Variants in PCDHGC5 observed in about 807,000 individuals in gnomAD.
PCDHGC5 encodes protocadherin gamma-C5.
PCDHGC5 carries 25 observed loss-of-function variants against 59.0 expected under a neutral mutation model. That is an observed-to-expected ratio of 0.42 (90% CI 0.31 to 0.59). The LOEUF is 0.59. Ranked by LOEUF, PCDHGC5 falls within the 20% of genes least tolerant of loss-of-function variation. The pLI is 0.13. For missense variants in PCDHGC5, 1,067 were observed against 1,206.4 expected, an observed-to-expected ratio of 0.88 and a Z score of 1.71; for synonymous variants, 434 against 505.5, an observed-to-expected ratio of 0.86 and a Z score of 1.90.
intron 2 of PCDHGC5, among the ~76,000 whole-genome samples, chr5:141,500,136 A>G (rs966215589): frequency 6.6e-6 from 1 of 151,606 alleles, no homozygotes; most frequent in African/African-American, 2.4e-5. Flanking sequence ...ATATCTTTCT[A>G]AACTTTTCTT....
intron 2 of PCDHGC5, among the ~76,000 whole-genome samples, chr5:141,495,725 C>G (rs1339925752): frequency 1.3e-5 from 2 of 151,986 alleles, no homozygotes; most frequent in African/African-American, 4.8e-5. Flanking sequence ...TACACGGGAC[C>G]CTTAGTCTCT....
chr5:141,492,007 C>A, intron 1 of PCDHGC5: 1 of 629,072 alleles, frequency 1.6e-6, no homozygotes, highest in Non-Finnish European at 2.6e-6. Flanking sequence ...GCGATTTCCG[C>A]GGGTGTCGGG....
chr5:141,491,747 G>C lies in PCDHGC5; in HGVS notation c.2460+47G>C. 6.3e-7 allele frequency: 1 copy of C among 1,591,872 alleles called. No homozygotes were observed. The highest frequency in any genetic ancestry group is 8.5e-7 in the Non-Finnish European group (1 of 1,170,328). ...CGGGCGACCCCTGGGGGCGGCACTG[G>C]AGAAGCCGCCCGTCCTCATAAGGGA... On this transcript the variant is annotated intron_variant, in intron 1 of 3. Transcript: ENST00000252087. This position sits in a 1 kb window ranked among gnomAD's most constrained non-coding sequence, Gnocchi z 6.9.
intron 2 of PCDHGC5, among the ~76,000 whole-genome samples, chr5:141,504,036 G>T (rs1472706342): frequency 6.6e-6 from 1 of 152,080 alleles, no homozygotes; most frequent in African/African-American, 2.4e-5. Flanking sequence ...ACTCATTTAG[G>T]CAACAAATAT....
intron 1 of PCDHGC5, among the ~76,000 whole-genome samples, chr5:141,492,745 C>G (rs2099743569): frequency 6.6e-6 from 1 of 152,262 alleles, no homozygotes; most frequent in Non-Finnish European, 1.5e-5. Flanking sequence ...GTGGCCGAGG[C>G]GCGGCAGGGC....
intron 1 of PCDHGC5, among the ~76,000 whole-genome samples, chr5:141,494,030 A>G (rs1165393646): frequency 6.6e-6 from 1 of 151,978 alleles, no homozygotes; most frequent in Non-Finnish European, 1.5e-5. Context: ...AGCCCTGGAG[A>G]CTTAGTTGGC....
intron 3 of PCDHGC5, among the ~76,000 whole-genome samples, chr5:141,506,567 T>G (rs2099855029): frequency 6.6e-6 from 1 of 152,182 alleles, no homozygotes; most frequent in Non-Finnish European, 1.5e-5. Flanking sequence ...CCCCCTCGGT[T>G]TCACTTACTA....
chr5:141,491,227 C>T lies in PCDHGC5; in HGVS notation c.1987C>T (p.Leu663=). 6.2e-7 allele frequency: 1 copy of T among 1,614,216 alleles called. No homozygotes were observed. The highest frequency in any genetic ancestry group is 8.5e-7 in the Non-Finnish European group (1 of 1,180,018). Residue 663 remains leucine, a synonymous_variant, in exon 1 of 4, where the codon CTG becomes TTG. Coordinates refer to ENST00000252087, the MANE Select transcript of PCDHGC5 (RefSeq NM_018929.3). The surrounding 1 kb of genome is among the most constrained non-coding windows in gnomAD (Gnocchi z 6.9). ...DPSLSSTATV[L]LVLEDEDPEE... is the part of the protein sequence containing the mutation. Reference sequence around the variant, plus strand: ...TTCACTCTCCTCCACAGCCACAGTGCTGCTGGTTCTGGAGGATGAGGACCC... The same window carrying T: ...TTCACTCTCCTCCACAGCCACAGTGTTGCTGGTTCTGGAGGATGAGGACCC...
chr5:141,489,641 C>T lies in PCDHGC5; in HGVS notation c.401C>T (p.Ala134Val), dbSNP rs1356716387. Residue 134 changes from alanine (A) to valine (V), a missense_variant, in exon 1 of 4, where the codon GCC becomes GTC. By Grantham distance (64) the Ala-to-Val change is moderately conservative. Coordinates refer to ENST00000252087, the MANE Select transcript of PCDHGC5 (RefSeq NM_018929.3). This position sits in a 1 kb window ranked among gnomAD's most constrained non-coding sequence, Gnocchi z 4.5. The stretch of plus-strand genomic sequence containing the variant: ...CTCAATGACAACTCTCCTAGCTTTG[C>T]CACCCCTGAGCGAGAGATGCGCATC... ...LDLNDNSPSF[A>V]TPEREMRISE... The T allele has an allele frequency of 2.5e-6, 4 of 1,614,008 alleles. No individual in the cohort carries two copies. The highest frequency in any genetic ancestry group is 3.4e-6 in the Non-Finnish European group (4 of 1,180,012).
At chr5:141,501,569 G>A (rs1401631416) in intron 2 of PCDHGC5, among the ~76,000 whole-genome samples, 3 of 151,998 alleles carry the variant, frequency 2.0e-5, no homozygotes, top group African/African-American at 7.2e-5. Flanking sequence ...AATCATATTA[G>A]GCTGGCTTTC....
chr5:141,505,298 T>C, intron 2 of PCDHGC5, 95 bp from the exon 3 acceptor site: 1 of 1,586,334 alleles, frequency 6.3e-7, no homozygotes, highest in Non-Finnish European at 8.6e-7. Flanking sequence ...GGGGTAGGGT[T>C]AGGGTACTAG....
At position 141,494,925 on chromosome 5, in the gene PCDHGC5, G is replaced by A. The variant is rs936071950; in HGVS notation, c.2519+60G>A. On this transcript the variant is annotated intron_variant, in intron 2 of 3. Coordinates refer to ENST00000252087, the MANE Select transcript of PCDHGC5 (RefSeq NM_018929.3). ...TGCGGCATTTTCTCAGGGATGACGT[G>A]GGAGGAGATGGGGGAGGGCCCAGCA... is the stretch of plus-strand genomic sequence containing the variant. The A allele has an allele frequency of 3.3e-4, 525 of 1,613,316 alleles. 2 individuals carry two copies. Among genetic ancestry groups the A allele is most frequent in the Admixed American group, 4.7e-4 (28 of 59,956 alleles).
At position 141,511,199 on chromosome 5, in the gene PCDHGC5, G is replaced by C. The variant is rs1303066281; in HGVS notation, c.*26G>C. On this transcript the variant is annotated 3_prime_UTR_variant, in exon 4 of 4. Coordinates refer to ENST00000252087, the MANE Select transcript of PCDHGC5 (RefSeq NM_018929.3). The stretch of plus-strand genomic sequence containing the variant: ...CATGGAGGCCAGGCCAAGAGCCACA[G>C]GGCGGCCTCTCCCCAACCAGCCCAG... 6.2e-6 allele frequency: 10 copies of C among 1,612,868 alleles called. No individual in the cohort carries two copies. In the East Asian group the frequency reaches 2.2e-4, roughly 36 times the overall value.
At chr5:141,510,799 C>G in intron 3 of PCDHGC5, 148 bp from the exon 4 acceptor site, 1 of 1,481,460 alleles carries the variant, frequency 6.8e-7, no homozygotes. Context: ...TGAAGAGAGA[C>G]TACCTTGGTG....
At position 141,512,280 on chromosome 5, in the gene PCDHGC5, TGGAAGGGTCAGC is replaced by T. The variant is rs1187119941; in HGVS notation, c.*1111_*1122del. The T allele has an allele frequency of 1.3e-5, 2 of 152,682 alleles. No individual in the cohort carries two copies. Among genetic ancestry groups the T allele is most frequent in the African/African-American group, 2.4e-5 (1 of 41,396 alleles). 9.5% of individuals were successfully genotyped at this position (152,682 alleles called of 1,614,324 possible). ...CTGGGTACTCCAGAGGTGCCACTGGTGGAAGGGTCAGCGGAGCCCCAGCAGGAAGGGTGGGCC... is the reference window on the plus strand; with the variant it reads ...CTGGGTACTCCAGAGGTGCCACTGGTGGAGCCCCAGCAGGAAGGGTGGGCC... On this transcript the variant is annotated 3_prime_UTR_variant, in exon 4 of 4. Transcript: ENST00000252087.
At chr5:141,497,209 TG>T (rs11343387) in intron 2 of PCDHGC5, among the ~76,000 whole-genome samples, 90,704 of 151,262 alleles carry the variant, frequency 0.6, 29,397 homozygotes, top group African/African-American at 0.86. Context: ...GTGAGTGTAA[TG>T]GGGGGGGGAA....
Position 141,512,089 on chromosome 5 carries a change from T to C in PCDHGC5, c.*916T>C, listed in dbSNP as rs1292597067. 6.6e-6 allele frequency: 1 copy of C among 152,606 alleles called. No individual in the cohort carries two copies. Among genetic ancestry groups the C allele is most frequent in the Non-Finnish European group, 1.5e-5 (1 of 68,068 alleles). 9.5% of individuals were successfully genotyped at this position (152,606 alleles called of 1,614,324 possible). A position where few individuals can be genotyped will look rare whatever the true frequency, so the allele number is the denominator to read the frequency against. ...CCTCCAGATTCCAGCCATAAACCAA[T>C]AACTAGGCTGGACCCTTCCCACTAC... On this transcript the variant is annotated 3_prime_UTR_variant, in exon 4 of 4. Coordinates refer to ENST00000252087, the MANE Select transcript of PCDHGC5 (RefSeq NM_018929.3).
In PCDHGC5 at chr5:141,491,807, G is replaced by A; in HGVS notation, c.2460+107G>A. On this transcript the variant is annotated intron_variant, in intron 1 of 3. Transcript: ENST00000252087. The surrounding 1 kb of genome is among the most constrained non-coding windows in gnomAD (Gnocchi z 6.9). ...CATCCACTCCTCTCCGGCCGGCTTG[G>A]TCGCTGGCTGCGCTCCACCCGATTC... is the stretch of plus-strand genomic sequence containing the variant. 1 of 1,491,112 alleles carries A rather than the reference G, an allele frequency of 6.7e-7. No homozygotes were observed. The highest frequency in any genetic ancestry group is 1.4e-5 in the South Asian group (1 of 73,752). The allele number at this position is 1,491,112 out of a possible 1,614,324, so 92.4% of individuals were successfully genotyped here. A position where few individuals can be genotyped will look rare whatever the true frequency, so the allele number is the denominator to read the frequency against.
chr5:141,489,150 TAA>T lies in PCDHGC5; in HGVS notation c.-90_-89del. 1.2e-6 allele frequency: 1 copy of T among 862,654 alleles called. No homozygotes were observed. Among genetic ancestry groups the T allele is most frequent in the Non-Finnish European group, 1.7e-6 (1 of 575,074 alleles). The allele number at this position is 862,654 out of a possible 1,614,324, so 53.4% of individuals were successfully genotyped here. On this transcript the variant is annotated 5_prime_UTR_variant, in exon 1 of 4. The change creates a new upstream start codon in the 5' untranslated region. Coordinates refer to ENST00000252087, the MANE Select transcript of PCDHGC5 (RefSeq NM_018929.3). This position sits in a 1 kb window ranked among gnomAD's most constrained non-coding sequence, Gnocchi z 4.5. ...GTTTTTAAGAGGCTGGAAGGAGACA[TAA>T]GAGACTTCAGCTGCTGCATTCCAAG... is the stretch of plus-strand genomic sequence containing the variant.
Sources: allele counts gnomAD v4.1 joint callset (sites outside exome capture counted in the v4.1 genomes callset), GRCh38; gene constraint gnomAD v4.1.1; non-coding constraint Gnocchi (gnomAD v3.1); transcripts MANE v1.5; gene names NCBI Gene and HGNC (gene_info 2026-07-23, HGNC 2026-07-21).